Variants in PPP2R2C observed in about 807,000 individuals in gnomAD.
PPP2R2C encodes the protein protein phosphatase 2 regulatory subunit Bgamma.
Under a neutral mutation model 45.3 loss-of-function variants are expected in PPP2R2C, and 10 were observed. The observed-to-expected ratio is 0.22, with a 90% CI of 0.14 to 0.37. The LOEUF (loss-of-function observed/expected upper bound fraction) is 0.37, where lower values mean the gene tolerates loss of function less well. PPP2R2C is among the 10% of genes least tolerant of loss of function. PPP2R2C has a pLI of 1.00. For synonymous variants in PPP2R2C, 257 were observed against 245.4 expected (o/e 1.05, Z -0.44); for missense variants, 308 against 619.7 (o/e 0.50, Z 5.34).
intron 2 of PPP2R2C, among the ~76,000 whole-genome samples, chr4:6,483,658 T>A (rs1034801162): frequency 6.6e-6 from 1 of 152,166 alleles, no homozygotes; most frequent in African/African-American, 2.4e-5. Flanking sequence ...TTGAGAATCC[T>A]TTATATATTC....
chr4:6,464,392 T>C (rs1721485986), intron 1 of PPP2R2C, among the ~76,000 whole-genome samples: 1 of 152,086 alleles, frequency 6.6e-6, no homozygotes, highest in Non-Finnish European at 1.5e-5. Flanking sequence ...CTTCAGACTC[T>C]CTCCTGAGAA....
intron 2 of PPP2R2C, among the ~76,000 whole-genome samples, chr4:6,501,048 G>A (rs1723035029): frequency 6.6e-6 from 1 of 152,244 alleles, no homozygotes; most frequent in Non-Finnish European, 1.5e-5. Context: ...AACTCTGGGG[G>A]AAGAGAGAAT....
At chr4:6,377,916 T>C (rs1715465883) in intron 3 of PPP2R2C, among the ~76,000 whole-genome samples, 1 of 152,176 alleles carries the variant, frequency 6.6e-6, no homozygotes, top group Admixed American at 6.5e-5. Flanking sequence ...GCCGGGGTCC[T>C]AAACCAAGGC....
In PPP2R2C at chr4:6,503,151, C is replaced by G. The variant is rs148618757; in HGVS notation, c.49+32120G>C. On this transcript the variant is annotated intron_variant, in intron 2 of 9. Coordinates refer to the PPP2R2C transcript ENST00000506140. ...CACTGCAGCAAACCCAGATTCCACA[C>G]AGTGGCCCAGGGACCCCAGGTCATC... 7.9e-3 allele frequency among the ~76,000 whole-genome samples: 1,198 copies of G among 152,316 alleles called. 14 individuals carry two copies. The highest frequency in any genetic ancestry group is 0.027 in the African/African-American group (1,137 of 41,560).
intron 1 of PPP2R2C, among the ~76,000 whole-genome samples, chr4:6,442,713 C>T (rs1302957262): frequency 6.6e-6 from 1 of 152,158 alleles, no homozygotes; most frequent in Non-Finnish European, 1.5e-5. Context: ...TTTCAGTCTC[C>T]CCATTTCATA....
Position 6,378,375 on chromosome 4 carries a change from G to A in PPP2R2C, c.334+32C>T, listed in dbSNP as rs768282004. 6.2e-7 allele frequency: 1 copy of A among 1,613,810 alleles called. No homozygotes were observed. The highest frequency in any genetic ancestry group is 8.5e-7 in the Non-Finnish European group (1 of 1,180,006). On this transcript the variant is annotated intron_variant, in intron 3 of 8. Coordinates refer to ENST00000382599, the MANE Select transcript of PPP2R2C (RefSeq NM_020416.4). This position sits in a 1 kb window ranked among gnomAD's most constrained non-coding sequence, Gnocchi z 5.2. ...TTTGGTAGAAACATCTACGGCCTGTGCCCATGCAAGCGAGGCCGGGCAGCG... is the reference window on the plus strand; with the variant it reads ...TTTGGTAGAAACATCTACGGCCTGTACCCATGCAAGCGAGGCCGGGCAGCG...
intron 2 of PPP2R2C, among the ~76,000 whole-genome samples, chr4:6,516,281 A>G (rs1723825873): frequency 6.6e-6 from 1 of 152,186 alleles, no homozygotes; most frequent in Non-Finnish European, 1.5e-5. Context: ...TGGGGGCTCC[A>G]GGACCATCCT....
chr4:6,512,329 G>T (rs1259577601), intron 2 of PPP2R2C, among the ~76,000 whole-genome samples: 440 of 110,238 alleles, frequency 4.0e-3, no homozygotes, highest in African/African-American at 0.014. Context: ...GGTGGTAGTG[G>T]TGGTGATGGT....
intron 1 of PPP2R2C, chr4:6,535,429 T>C (rs1724572990): frequency 2.4e-6 from 3 of 1,232,874 alleles, no homozygotes; most frequent in Admixed American, 4.3e-5. Flanking sequence ...CCTTGGTGCA[T>C]GCACGCCGCC....
intron 2 of PPP2R2C, among the ~76,000 whole-genome samples, chr4:6,482,394 G>T (rs1289784533): frequency 6.6e-6 from 1 of 152,192 alleles, no homozygotes; most frequent in Admixed American, 6.5e-5. Context: ...AGACAATCTG[G>T]ATTAGGATCC....
chr4:6,415,953 A>G (rs144379966), intron 1 of PPP2R2C, among the ~76,000 whole-genome samples: 1 of 152,260 alleles, frequency 6.6e-6, no homozygotes, highest in African/African-American at 2.4e-5. Flanking sequence ...TGCCAGCTGG[A>G]CCCAAACAGA....
At chr4:6,490,108 C>T (rs1722650720) in intron 2 of PPP2R2C, among the ~76,000 whole-genome samples, 1 of 152,208 alleles carries the variant, frequency 6.6e-6, no homozygotes, top group Non-Finnish European at 1.5e-5. Context: ...GCATCCGTCC[C>T]TCCCACCAGC....
chr4:6,419,144 A>T (rs1337609319), intron 1 of PPP2R2C, among the ~76,000 whole-genome samples: 2 of 152,234 alleles, frequency 1.3e-5, no homozygotes. Flanking sequence ...CAAAACAAAC[A>T]AAGAAAAATG....
At chr4:6,419,324 G>A (rs1034008922) in intron 1 of PPP2R2C, among the ~76,000 whole-genome samples, 1 of 152,138 alleles carries the variant, frequency 6.6e-6, no homozygotes, top group Non-Finnish European at 1.5e-5. Flanking sequence ...TACTCGGGAG[G>A]CTAAGGCAGG....
intron 4 of PPP2R2C, among the ~76,000 whole-genome samples, chr4:6,374,748 G>A (rs1715158383): frequency 6.6e-6 from 1 of 152,202 alleles, no homozygotes; most frequent in African/African-American, 2.4e-5. Flanking sequence ...CAGGTACTGA[G>A]TTGAACCTTG....
intron 2 of PPP2R2C, among the ~76,000 whole-genome samples, chr4:6,511,287 GATGC>G (rs1479870026): frequency 6.7e-6 from 1 of 149,888 alleles, no homozygotes; most frequent in Non-Finnish European, 1.5e-5. Context: ...TGCTGATGCT[GATGC>G]TGATGGTGGT....
chr4:6,358,655 A>G (rs1375234258), intron 5 of PPP2R2C, among the ~76,000 whole-genome samples: 2 of 146,636 alleles, frequency 1.4e-5, no homozygotes, highest in Non-Finnish European at 3.0e-5. Context: ...CAAAAAAAAA[A>G]TCAAACAACA....
intron 2 of PPP2R2C, among the ~76,000 whole-genome samples, chr4:6,380,779 C>A (rs569415244): frequency 6.6e-6 from 1 of 152,120 alleles, no homozygotes; most frequent in African/African-American, 2.4e-5. Context: ...CCCATTCCCA[C>A]CCCTGGAATC....
intron 2 of PPP2R2C, among the ~76,000 whole-genome samples, chr4:6,508,893 A>C (rs1486817198): frequency 6.6e-6 from 1 of 152,214 alleles, no homozygotes; most frequent in African/African-American, 2.4e-5. Context: ...AAAATCCCAG[A>C]AGCATGCCAA....
Sources: allele counts gnomAD v4.1 joint callset (sites outside exome capture counted in the v4.1 genomes callset), GRCh38; gene constraint gnomAD v4.1.1; non-coding constraint Gnocchi (gnomAD v3.1); transcripts MANE v1.5; gene names NCBI Gene and HGNC (gene_info 2026-07-23, HGNC 2026-07-21).